NRXN1: variants seen among roughly 807,000 people sequenced by gnomAD.
The protein encoded by NRXN1 is neurexin-1.
In NRXN1, 39 loss-of-function variants were observed where a neutral mutation model predicts 150.9. That is an observed-to-expected ratio of 0.26 (90% confidence interval 0.20 to 0.34). The LOEUF (loss-of-function observed/expected upper bound fraction) is 0.34, where lower values mean the gene tolerates loss of function less well. Ranked by LOEUF, NRXN1 falls within the 10% of genes least tolerant of loss-of-function variation. The probability of loss-of-function intolerance (pLI) is 1.00; values close to 1 mark genes in which losing one functional copy is unlikely to be tolerated. For synonymous variants in NRXN1, 924 were observed against 757.0 expected (o/e 1.22, Z -3.62); for missense variants, 1,815 against 1,949.9 (o/e 0.93, Z 1.30).
chr2:51,015,803 T>C (rs1175569382), intron 2 of NRXN1, among the ~76,000 whole-genome samples: 1 of 151,966 alleles, frequency 6.6e-6, no homozygotes, highest in East Asian at 1.9e-4. Context: ...TTATAAAATA[T>C]ATGTAATGAT....
At chr2:50,612,450 T>A (rs867447591) in intron 8 of NRXN1, among the ~76,000 whole-genome samples, 25 of 152,258 alleles carry the variant, frequency 1.6e-4, no homozygotes, top group South Asian at 6.2e-4. Context: ...TTTCACACAG[T>A]TTCATGGATT....
At chr2:50,328,890 C>T (rs2076563121) in intron 17 of NRXN1, among the ~76,000 whole-genome samples, 1 of 152,158 alleles carries the variant, frequency 6.6e-6, no homozygotes, top group South Asian at 2.1e-4. Flanking sequence ...CTTGGTCAAC[C>T]TTCTAACACA....
chr2:50,389,614 G>A (rs1199859006), intron 17 of NRXN1, among the ~76,000 whole-genome samples: 1 of 151,870 alleles, frequency 6.6e-6, no homozygotes, highest in Non-Finnish European at 1.5e-5. Context: ...ATTTCTTTCA[G>A]TTCCCAAACT....
intron 18 of NRXN1, among the ~76,000 whole-genome samples, chr2:50,215,493 A>G (rs186339851): frequency 1.6e-4 from 25 of 152,170 alleles, no homozygotes; most frequent in Admixed American, 2.6e-4. Flanking sequence ...TAATTTATAA[A>G]TAAAAATACA....
intron 12 of NRXN1, among the ~76,000 whole-genome samples, chr2:50,522,448 G>T (rs996224366): frequency 6.6e-6 from 1 of 152,090 alleles, no homozygotes; most frequent in Non-Finnish European, 1.5e-5. Flanking sequence ...TAATAACTGT[G>T]CTTGGTTTCA....
intron 2 of NRXN1, among the ~76,000 whole-genome samples, chr2:50,932,703 C>A (rs1372098934): frequency 6.6e-6 from 1 of 152,046 alleles, no homozygotes; most frequent in East Asian, 1.9e-4. Context: ...CAACCAAACA[C>A]AACCTGTTCC....
At chr2:50,839,623 T>C (rs1008591973) in intron 5 of NRXN1, among the ~76,000 whole-genome samples, 1 of 152,080 alleles carries the variant, frequency 6.6e-6, no homozygotes, top group Non-Finnish European at 1.5e-5. Flanking sequence ...TGGTGTTCCA[T>C]AAAGGATGAA....
intron 18 of NRXN1, among the ~76,000 whole-genome samples, chr2:50,107,539 A>ATATATATATATATATATAT (rs59921941): frequency 7.7e-6 from 1 of 129,884 alleles, no homozygotes; most frequent in Non-Finnish European, 1.6e-5. Flanking sequence ...ATATATATAT[A>ATATATATATATATATATAT]TTTTTTTTTT....
At chr2:49,973,610 C>T (rs56889513) in intron 21 of NRXN1, among the ~76,000 whole-genome samples, 74,546 of 151,622 alleles carry the variant, frequency 0.49, 18,731 homozygotes, top group Middle Eastern at 0.63. Flanking sequence ...TATATACATA[C>T]ATATGCACAC....
At chr2:50,420,896 G>C (rs1345396246) in intron 17 of NRXN1, among the ~76,000 whole-genome samples, 1 of 150,618 alleles carries the variant, frequency 6.6e-6, no homozygotes, top group Non-Finnish European at 1.5e-5. Context: ...AGTACAACAA[G>C]AATACATTTG....
chr2:50,176,044 G>T (rs916926748), intron 18 of NRXN1, among the ~76,000 whole-genome samples: 2 of 152,090 alleles, frequency 1.3e-5, no homozygotes, highest in African/African-American at 4.8e-5. Flanking sequence ...TTAGAACTGA[G>T]TCCCTCCTGC....
chr2:50,420,831 C>T lies in NRXN1; in HGVS notation c.3364+44611G>A, dbSNP rs555808128. Among the ~76,000 whole-genome samples the T allele has an allele frequency of 1.3e-4, 19 of 151,960 alleles. No homozygotes were observed. The East Asian group carries it at 3.5e-3, about 28-fold the overall frequency. On this transcript the variant is annotated intron_variant, in intron 17 of 22. Coordinates refer to ENST00000401669, the MANE Select transcript of NRXN1 (RefSeq NM_001330078.2). ...ATCCTATTAGGGTAATCATAATTTA[C>T]CACCCAGGAAAGGACACATGATAGT...
At chr2:50,486,261 A>G (rs568125609) in intron 15 of NRXN1, among the ~76,000 whole-genome samples, 20 of 152,186 alleles carry the variant, frequency 1.3e-4, no homozygotes, top group African/African-American at 1.7e-4. Flanking sequence ...AATTGATAAT[A>G]ACGAGGATGA....
chr2:50,242,647 T>A (rs2066122895), intron 17 of NRXN1, among the ~76,000 whole-genome samples: 1 of 151,742 alleles, frequency 6.6e-6, no homozygotes, highest in Non-Finnish European at 1.5e-5. Context: ...CAATAATTAC[T>A]AATATTGAGA....
intron 5 of NRXN1, among the ~76,000 whole-genome samples, chr2:50,803,945 C>T (rs1667167040): frequency 6.6e-6 from 1 of 152,162 alleles, no homozygotes; most frequent in Non-Finnish European, 1.5e-5. Context: ...GTATCACTCT[C>T]ATAAACTTCA....
At chr2:50,270,937 G>T (rs1011664473) in intron 17 of NRXN1, among the ~76,000 whole-genome samples, 2 of 152,090 alleles carry the variant, frequency 1.3e-5, no homozygotes, top group Non-Finnish European at 2.9e-5. Context: ...GGGATTACAG[G>T]CATGAGCCAC....
intron 5 of NRXN1, among the ~76,000 whole-genome samples, chr2:50,769,204 A>G (rs561036712): frequency 6.6e-6 from 1 of 152,032 alleles, no homozygotes; most frequent in African/African-American, 2.4e-5. Flanking sequence ...TCTATAGTTC[A>G]TACAGTACCA....
At chr2:50,329,083 T>TA (rs2152981848) in intron 17 of NRXN1, among the ~76,000 whole-genome samples, 1 of 152,266 alleles carries the variant, frequency 6.6e-6, no homozygotes, top group East Asian at 1.9e-4. Context: ...AGGAAAATAT[T>TA]ACATTCCTAA....
In NRXN1 at chr2:49,919,712, AAAG is replaced by A. The variant is rs1373815787; in HGVS notation, c.*2229_*2231del. On this transcript the variant is annotated 3_prime_UTR_variant, in exon 23 of 23. Transcript: ENST00000401669. ...AAATTAAAAAAAATGAAAATCTAGA[AAAG>A]AAGCAATGGATATTAAATTTTCATT... The A allele has an allele frequency of 1.2e-4, 18 of 152,122 alleles. No individual in the cohort carries two copies. Among genetic ancestry groups the A allele is most frequent in the Admixed American group, 6.5e-5 (1 of 15,278 alleles). 9.4% of individuals were successfully genotyped at this position (152,122 alleles called of 1,614,324 possible).
Sources: allele counts gnomAD v4.1 joint callset (sites outside exome capture counted in the v4.1 genomes callset), GRCh38; gene constraint gnomAD v4.1.1; transcripts MANE v1.5; gene names NCBI Gene and HGNC (gene_info 2026-07-23, HGNC 2026-07-21).